The following LPGAT1 variants were observed in gnomAD, a reference collection of about 807,000 sequenced individuals.
The protein encoded by LPGAT1 is lysophosphatidylglycerol acyltransferase 1.
LPGAT1 carries 11 observed loss-of-function variants against 47.5 expected under a neutral mutation model. That is an observed-to-expected ratio of 0.23 (90% confidence interval 0.15 to 0.38). LPGAT1 has a LOEUF of 0.38. Ranked by LOEUF, LPGAT1 falls within the 10% of genes least tolerant of loss-of-function variation. LPGAT1 has a pLI of 1.00. For synonymous variants in LPGAT1, 138 were observed against 144.2 expected, an observed-to-expected ratio of 0.96 and a Z score of 0.31; for missense variants, 293 against 439.0, an observed-to-expected ratio of 0.67 and a Z score of 2.97.
At chr1:211,783,799 C>T (rs935374131) in intron 4 of LPGAT1, among the ~76,000 whole-genome samples, 4 of 152,146 alleles carry the variant, frequency 2.6e-5, no homozygotes, top group African/African-American at 4.8e-5. Flanking sequence ...CTATGTGCCA[C>T]GCATTGTCCT....
rs1275489936 is a variant in LPGAT1, at chr1:211,746,599, G to C, written c.*3300C>G. 6.6e-6 allele frequency: 1 copy of C among 152,132 alleles called. No individual in the cohort carries two copies. The highest frequency in any genetic ancestry group is 1.5e-5 in the Non-Finnish European group (1 of 68,028). The allele number at this position is 152,132 out of a possible 1,614,324, so 9.4% of individuals were successfully genotyped here. On this transcript the variant is annotated 3_prime_UTR_variant, in exon 8 of 8. Coordinates refer to ENST00000366997, the MANE Select transcript of LPGAT1 (RefSeq NM_014873.3). ...CATTTATTACCAGATTATCTATCCAGAAAGTAATCAATCTAGTAATCCTTC... is the reference window on the plus strand; with the variant it reads ...CATTTATTACCAGATTATCTATCCACAAAGTAATCAATCTAGTAATCCTTC...
chr1:211,830,606 G>C lies in LPGAT1; in HGVS notation c.-61C>G, dbSNP rs1351078858. On this transcript the variant is annotated 5_prime_UTR_variant, in exon 1 of 8. Coordinates refer to ENST00000366997, the MANE Select transcript of LPGAT1 (RefSeq NM_014873.3). The surrounding 1 kb of genome is among the most constrained non-coding windows in gnomAD (Gnocchi z 5.9). ...GGCCGGGCCCCAGCCGGGGCTTTGG[G>C]AGTCAGAGGAGCCGGAAGAATGCAT... 1 of 1,208,920 alleles carries C rather than the reference G, an allele frequency of 8.3e-7. No individual in the cohort carries two copies. The highest frequency in any genetic ancestry group is 1.0e-6 in the Non-Finnish European group (1 of 973,306). 74.9% of individuals were successfully genotyped at this position (1,208,920 alleles called of 1,614,324 possible).
intron 6 of LPGAT1, among the ~76,000 whole-genome samples, chr1:211,769,943 C>A (rs1277373558): frequency 6.6e-6 from 1 of 152,074 alleles, no homozygotes; most frequent in Non-Finnish European, 1.5e-5. Context: ...CTTATTCTAC[C>A]CAGCCCCTAC....
chr1:211,765,218 A>G (rs1657858126), intron 6 of LPGAT1, among the ~76,000 whole-genome samples: 1 of 152,216 alleles, frequency 6.6e-6, no homozygotes, highest in African/African-American at 2.4e-5. Flanking sequence ...AAGTTGTAAA[A>G]ATAGTATAAA....
At chr1:211,795,528 C>T (rs1269997398) in intron 2 of LPGAT1, among the ~76,000 whole-genome samples, 1 of 152,110 alleles carries the variant, frequency 6.6e-6, no homozygotes, top group Non-Finnish European at 1.5e-5. Context: ...CCACCACGCC[C>T]GGCTAATCTT....
At chr1:211,755,822 C>A (rs1483443791) in intron 6 of LPGAT1, among the ~76,000 whole-genome samples, 1 of 152,138 alleles carries the variant, frequency 6.6e-6, no homozygotes, top group African/African-American at 2.4e-5. Context: ...TCTTAATAAC[C>A]TTCTATCTCC....
chr1:211,817,865 T>G (rs190983339), intron 2 of LPGAT1, among the ~76,000 whole-genome samples: 1 of 152,222 alleles, frequency 6.6e-6, no homozygotes, highest in East Asian at 1.9e-4. Context: ...AGAGTCTCAC[T>G]CTGTCCAGAG....
chr1:211,774,167 A>G (rs1253453000), intron 6 of LPGAT1, among the ~76,000 whole-genome samples: 2 of 90,572 alleles, frequency 2.2e-5, no homozygotes, highest in African/African-American at 9.0e-5. Flanking sequence ...CAGAGTCTTG[A>G]TCTGTTGCTC....
intron 2 of LPGAT1, among the ~76,000 whole-genome samples, chr1:211,813,573 T>C (rs892571449): frequency 6.6e-6 from 1 of 152,194 alleles, no homozygotes; most frequent in South Asian, 2.1e-4. Flanking sequence ...CTACGAAAAT[T>C]TTATTGACAA....
At chr1:211,811,950 C>T (rs1192661982) in intron 2 of LPGAT1, among the ~76,000 whole-genome samples, 1 of 152,216 alleles carries the variant, frequency 6.6e-6, no homozygotes, top group African/African-American at 2.4e-5. Flanking sequence ...GCCCTTCACT[C>T]AAAGACTAGC....
intron 6 of LPGAT1, among the ~76,000 whole-genome samples, chr1:211,770,795 T>C (rs983451266): frequency 3.3e-5 from 5 of 152,126 alleles, no homozygotes; most frequent in Non-Finnish European, 7.4e-5. Flanking sequence ...AGGCGTATCA[T>C]TTTAAGACTC....
intron 2 of LPGAT1, among the ~76,000 whole-genome samples, chr1:211,825,692 G>T (rs769832691): frequency 1.3e-5 from 2 of 152,362 alleles, no homozygotes; most frequent in Non-Finnish European, 2.9e-5. Context: ...CAGGGGCGAT[G>T]GCTCACGCCT....
intron 5 of LPGAT1, among the ~76,000 whole-genome samples, chr1:211,781,911 G>T (rs1658657718): frequency 6.6e-6 from 1 of 152,072 alleles, no homozygotes; most frequent in South Asian, 2.1e-4. Flanking sequence ...AGAATGATTT[G>T]CCTTTTCCTG....
At chr1:211,801,331 T>C (rs538030118) in intron 2 of LPGAT1, among the ~76,000 whole-genome samples, 1 of 152,336 alleles carries the variant, frequency 6.6e-6, no homozygotes, top group Non-Finnish European at 1.5e-5. Context: ...ATGTAGTTCC[T>C]AGTCACTTTC....
At chr1:211,754,344 G>A (rs186408509) in intron 6 of LPGAT1, among the ~76,000 whole-genome samples, 1 of 152,264 alleles carries the variant, frequency 6.6e-6, no homozygotes, top group African/African-American at 2.4e-5. Flanking sequence ...TATAAGGTTG[G>A]CTCCTGGCTT....
At chr1:211,809,646 C>T (rs544190603) in intron 2 of LPGAT1, among the ~76,000 whole-genome samples, 9 of 152,072 alleles carry the variant, frequency 5.9e-5, no homozygotes, top group South Asian at 2.1e-4. Flanking sequence ...ATAAGTCTCA[C>T]GAGATCCAAT....
chr1:211,790,580 GAAAAT>G (rs968024754), intron 3 of LPGAT1, among the ~76,000 whole-genome samples: 3 of 151,938 alleles, frequency 2.0e-5, no homozygotes, highest in African/African-American at 7.3e-5. Flanking sequence ...CTTTATGAAA[GAAAAT>G]AAAATATTCT....
rs544295381 is a variant in LPGAT1, at chr1:211,778,353, A to C, written c.854+565T>G. On this transcript the variant is annotated intron_variant, in intron 6 of 7. Coordinates refer to ENST00000366997, the MANE Select transcript of LPGAT1 (RefSeq NM_014873.3). ...TGAGACTCTGTCTCAAAAAAAAAAA[A>C]AAAAAAAAAAAAAAAAAAAAAGGAA... is the stretch of plus-strand genomic sequence containing the variant. Among the ~76,000 whole-genome samples the C allele has an allele frequency of 3.2e-4, 48 of 151,208 alleles. 2 individuals are homozygous for C. The South Asian group carries it at 9.1e-3, about 29-fold the overall frequency.
chr1:211,782,130 C>A (rs1313239430), intron 5 of LPGAT1, among the ~76,000 whole-genome samples: 2 of 152,256 alleles, frequency 1.3e-5, no homozygotes, highest in Non-Finnish European at 2.9e-5. Context: ...GTTTGTCCAC[C>A]CTATTAACAT....
Sources: allele counts gnomAD v4.1 joint callset (sites outside exome capture counted in the v4.1 genomes callset), GRCh38; gene constraint gnomAD v4.1.1; non-coding constraint Gnocchi (gnomAD v3.1); transcripts MANE v1.5; gene names NCBI Gene and HGNC (gene_info 2026-07-23, HGNC 2026-07-21).